The following PHACTR1 variants were observed in gnomAD, a reference collection of about 807,000 sequenced individuals.
The protein encoded by PHACTR1 is phosphatase and actin regulator 1.
Under a neutral mutation model 69.2 loss-of-function variants are expected in PHACTR1, and 16 were observed. That is an observed-to-expected ratio of 0.23 (90% CI 0.16 to 0.35). The LOEUF is 0.35. Among genes scored for constraint, PHACTR1 ranks in the 10% least tolerant of loss-of-function variants. The pLI, the probability that PHACTR1 is intolerant of heterozygous loss-of-function variation, is 1.00. For missense variants in PHACTR1, 510 were observed against 734.7 expected (o/e 0.69, Z 3.54); for synonymous variants, 312 against 284.5 (o/e 1.10, Z -0.97).
At chr6:13,237,604 G>A (rs887049712) in intron 10 of PHACTR1, among the ~76,000 whole-genome samples, 4 of 152,216 alleles carry the variant, frequency 2.6e-5, no homozygotes, top group African/African-American at 9.7e-5. Context: ...ACGTGTATGT[G>A]TATATCAGTA....
intron 8 of PHACTR1, among the ~76,000 whole-genome samples, chr6:13,218,402 C>A (rs992727242): frequency 3.0e-4 from 46 of 152,324 alleles, no homozygotes; most frequent in African/African-American, 1.1e-3. Context: ...GACCCAGACT[C>A]ACTGTAGATG....
intron 5 of PHACTR1, among the ~76,000 whole-genome samples, chr6:13,119,104 T>C (rs1471254769): frequency 6.6e-6 from 1 of 151,982 alleles, no homozygotes; most frequent in Non-Finnish European, 1.5e-5. Flanking sequence ...ATCTACCTCA[T>C]AAAAAAAATA....
intron 4 of PHACTR1, among the ~76,000 whole-genome samples, chr6:12,863,737 C>T (rs1227433694): frequency 3.3e-5 from 5 of 152,194 alleles, no homozygotes; most frequent in South Asian, 2.1e-4. Context: ...ATTGATTTGA[C>T]GCTTACCTTC....
At chr6:12,753,972 T>TA (rs1297804427) in intron 4 of PHACTR1, among the ~76,000 whole-genome samples, 172 of 137,002 alleles carry the variant, frequency 1.3e-3, no homozygotes, top group East Asian at 4.6e-3. Context: ...ATATATATAT[T>TA]TTTTTTTTGA....
rs575475329 is a variant in PHACTR1, at chr6:13,282,914, T to C, written c.1510-508T>C. 6.6e-5 allele frequency among the ~76,000 whole-genome samples: 10 copies of C among 152,230 alleles called. No homozygotes were observed. The South Asian group carries it at 2.1e-3, about 32-fold the overall frequency. On this transcript the variant is annotated intron_variant, in intron 12 of 14. Transcript: ENST00000332995. ...TTATGAAGATAGAGACTGTTTACTA[T>C]CGATTTGTATAGGTGTAAAAACAGT...
At chr6:13,030,184 C>T (rs1486419871) in intron 4 of PHACTR1, among the ~76,000 whole-genome samples, 1 of 151,906 alleles carries the variant, frequency 6.6e-6, no homozygotes, top group Admixed American at 6.6e-5. Context: ...GTATTAAACG[C>T]ATTCACACTG....
At chr6:13,094,246 G>A (rs4715101) in intron 5 of PHACTR1, among the ~76,000 whole-genome samples, 122,830 of 151,428 alleles carry the variant, frequency 0.81, 49,977 homozygotes, top group East Asian at 0.93. Context: ...AAAACATATT[G>A]CCTGTATTAT....
intron 5 of PHACTR1, among the ~76,000 whole-genome samples, chr6:13,091,424 A>T (rs1041574681): frequency 3.5e-4 from 53 of 152,198 alleles, no homozygotes; most frequent in African/African-American, 1.1e-3. Flanking sequence ...TAGTTCACTG[A>T]GTTTGTTCTT....
chr6:13,096,122 AC>A (rs1814209018), intron 5 of PHACTR1, among the ~76,000 whole-genome samples: 1 of 152,122 alleles, frequency 6.6e-6, no homozygotes, highest in African/African-American at 2.4e-5. Flanking sequence ...TAGACAGCCT[AC>A]AGAGGTTAAA....
chr6:13,086,266 G>A lies in PHACTR1; in HGVS notation c.415+32737G>A, dbSNP rs186673438. Among the ~76,000 whole-genome samples, 13 of 152,040 alleles carry A rather than the reference G, an allele frequency of 8.6e-5. No individual in the cohort carries two copies. In the East Asian group the frequency reaches 2.3e-3, roughly 27 times the overall value. On this transcript the variant is annotated intron_variant, in intron 5 of 14. Transcript: ENST00000332995. Reference sequence around the variant, plus strand: ...AATGCATACTAGTAGAAATAGAAAAGGCAACTAAACTCTAGCCAGTGTGCA... The same window carrying A: ...AATGCATACTAGTAGAAATAGAAAAAGCAACTAAACTCTAGCCAGTGTGCA...
chr6:12,797,460 A>G (rs529164660), intron 4 of PHACTR1, among the ~76,000 whole-genome samples: 1 of 152,308 alleles, frequency 6.6e-6, no homozygotes, highest in South Asian at 2.1e-4. Flanking sequence ...AAGGTAACTC[A>G]TCGGTTACTT....
intron 5 of PHACTR1, among the ~76,000 whole-genome samples, chr6:13,085,751 A>G (rs1275248866): frequency 1.3e-5 from 2 of 152,092 alleles, no homozygotes; most frequent in Non-Finnish European, 2.9e-5. Context: ...ATAGATTTGG[A>G]AATTTAAAAA....
intron 4 of PHACTR1, among the ~76,000 whole-genome samples, chr6:12,803,580 G>C (rs1427400143): frequency 6.6e-6 from 1 of 152,184 alleles, no homozygotes; most frequent in Non-Finnish European, 1.5e-5. Flanking sequence ...ATAGGACAAA[G>C]AAACATTCCT....
At position 13,206,142 on chromosome 6, in the gene PHACTR1, G is replaced by A. The variant is rs1765882901; in HGVS notation, c.986+6G>A. On this transcript the variant is annotated splice_donor_region_variant and intron_variant, in intron 8 of 14. Transcript: ENST00000332995. Reference sequence around the variant, plus strand: ...ACCATGCAGAGGCTGGAAAGGTAAAGGTGGGCACCAGGAGGGAGGACGGGA... The same window carrying A: ...ACCATGCAGAGGCTGGAAAGGTAAAAGTGGGCACCAGGAGGGAGGACGGGA... 1.7e-5 allele frequency: 27 copies of A among 1,572,318 alleles called. No individual in the cohort carries two copies. The highest frequency in any genetic ancestry group is 2.3e-5 in the Non-Finnish European group (26 of 1,155,506).
At chr6:13,213,553 G>T (rs1767201828) in intron 8 of PHACTR1, among the ~76,000 whole-genome samples, 1 of 152,206 alleles carries the variant, frequency 6.6e-6, no homozygotes. Context: ...TGGTTTGAGT[G>T]TCTCTCCTCC....
chr6:13,022,539 A>G (rs1801120329), intron 4 of PHACTR1, among the ~76,000 whole-genome samples: 1 of 152,316 alleles, frequency 6.6e-6, no homozygotes, highest in East Asian at 1.9e-4. Flanking sequence ...TTATTGGGAA[A>G]CAACCATGCA....
At chr6:12,893,526 A>G (rs1252607260) in intron 4 of PHACTR1, among the ~76,000 whole-genome samples, 1 of 151,998 alleles carries the variant, frequency 6.6e-6, no homozygotes, top group Non-Finnish European at 1.5e-5. Context: ...ATACTTTATG[A>G]TTTTTTTACA....
At chr6:12,840,925 T>C (rs1289721233) in intron 4 of PHACTR1, among the ~76,000 whole-genome samples, 2 of 152,208 alleles carry the variant, frequency 1.3e-5, no homozygotes, top group African/African-American at 4.8e-5. Flanking sequence ...GCAATTGAGT[T>C]GATTTTGTGG....
intron 7 of PHACTR1, among the ~76,000 whole-genome samples, chr6:13,195,484 C>CGGT (rs1764237829): frequency 6.6e-6 from 1 of 151,930 alleles, no homozygotes; most frequent in Non-Finnish European, 1.5e-5. Context: ...TGGCCTGGCG[C>CGGT]GGTGGCTCAT....
Sources: gnomAD v4.1 joint callset for allele counts (sites outside exome capture counted in the v4.1 genomes callset) on GRCh38, gnomAD v4.1.1 for gene constraint, MANE v1.5 for transcripts, NCBI Gene and HGNC (gene_info 2026-07-23, HGNC 2026-07-21) for gene names.